Variants in IL4I1 observed in about 807,000 individuals in gnomAD.
IL4I1 encodes the protein L-amino-acid oxidase.
IL4I1 carries 24 observed loss-of-function variants against 29.7 expected under a neutral mutation model. The observed-to-expected ratio is 0.81, with a 90% confidence interval of 0.59 to 1.14. The LOEUF (loss-of-function observed/expected upper bound fraction) is 1.14, where lower values mean the gene tolerates loss of function less well. Among genes scored for constraint, IL4I1 ranks in the 50% most tolerant of loss-of-function variants. The pLI, the probability that IL4I1 is intolerant of heterozygous loss-of-function variation, is 0.00. For missense variants in IL4I1, 686 were observed against 785.6 expected (o/e 0.87, Z 1.52); for synonymous variants, 371 against 352.5 (o/e 1.05, Z -0.59).
intron 2 of IL4I1, among the ~76,000 whole-genome samples, chr19:49,916,428 A>G (rs1017945569): frequency 6.2e-5 from 9 of 145,102 alleles, no homozygotes; most frequent in Non-Finnish European, 1.2e-4. Flanking sequence ...ATCTTGGCTC[A>G]CTGCAAGCTC....
intron 5 of IL4I1, among the ~76,000 whole-genome samples, chr19:49,891,710 C>G (rs182983677): frequency 1.5e-4 from 23 of 152,376 alleles, no homozygotes; most frequent in African/African-American, 5.5e-4. Flanking sequence ...CCCCCTCATT[C>G]GGCTGGCCCG....
chr19:49,899,976 A>G (rs1230270449), upstream of IL4I1, among the ~76,000 whole-genome samples: 1 of 151,922 alleles, frequency 6.6e-6, no homozygotes, highest in African/African-American at 2.4e-5. Context: ...CTGGGACCAC[A>G]GGTGCACACC....
At chr19:49,910,070 C>T (rs1012981772) in intron 2 of IL4I1, among the ~76,000 whole-genome samples, 5 of 151,986 alleles carry the variant, frequency 3.3e-5, no homozygotes, top group East Asian at 1.9e-4. Context: ...GGGTCAGGTA[C>T]GAGGAGCCGG....
rs766200195 is a variant in IL4I1 at position 49,894,457 on chromosome 19, C to A, written c.378G>T (p.Lys126Asn). ...GGTTGAGCCCCAGGCCCTGGCAGAG[C>A]TTGTGGAGGATCCTGATCAGGGGAG... ...RMPSSHRILH[K>N]LCQGLGLNLT... Residue 126 changes from lysine to asparagine, a missense_variant, in exon 5 of 8, where the codon AAG becomes AAT. Coordinates refer to ENST00000391826, the MANE Select transcript of IL4I1 (RefSeq NM_152899.2). 5 of 1,607,674 alleles carry A rather than the reference C, an allele frequency of 3.1e-6. No individual in the cohort carries two copies. Among genetic ancestry groups the A allele is most frequent in the Non-Finnish European group, 4.3e-6 (5 of 1,176,092 alleles).
chr19:49,909,067 G>A (rs1352894086), intron 2 of IL4I1: 20 of 1,612,520 alleles, frequency 1.2e-5, no homozygotes, highest in South Asian at 2.2e-5. Context: ...CAGTGGGGGC[G>A]CCCGCTGTGG....
chr19:49,889,816 GC>G lies in IL4I1; in HGVS notation c.1557del (p.His520ThrfsTer?). The G allele has an allele frequency of 6.4e-7, 1 of 1,551,738 alleles. No homozygotes were observed. On this transcript the variant is annotated frameshift_variant, in exon 8 of 8. Coordinates refer to ENST00000391826, the MANE Select transcript of IL4I1 (RefSeq NM_152899.2). LOFTEE classifies it low-confidence loss of function (END_TRUNC). Reference sequence around the variant, plus strand: ...CCCTGCCCCTCCATGTCAGATGCGTGCCCCTCGGGGCTGGCCGTGTCCGATG... The same window carrying G: ...CCCTGCCCCTCCATGTCAGATGCGTGCCCTCGGGGCTGGCCGTGTCCGATG... ...GPASDTASPEGHASDMEGQGH... is the reference protein window; with the variant it reads ...GPASDTASPEXHASDMEGQGH...
chr19:49,908,005 T>C (rs1011501113), intron 2 of IL4I1: 2 of 812,388 alleles, frequency 2.5e-6, no homozygotes, highest in East Asian at 2.8e-5. Flanking sequence ...GGGCCAAAGA[T>C]ACTCAAATGA....
chr19:49,890,936 G>GC (rs56091826), intron 7 of IL4I1, 35 bp downstream of exon 7: 4,763 of 310,746 alleles, frequency 0.015, 31 homozygotes, highest in East Asian at 0.055. Flanking sequence ...ATTGCCCCCC[G>GC]CCCCCCCCCC....
chr19:49,916,918 C>G (rs2075639509), intron 2 of IL4I1, among the ~76,000 whole-genome samples: 1 of 152,212 alleles, frequency 6.6e-6, no homozygotes, highest in South Asian at 2.1e-4. Flanking sequence ...GAGACCCCGT[C>G]TCAAACAAAT....
Position 49,890,465 on chromosome 19 carries a change from G to C in IL4I1, c.909C>G (p.Thr303=). 3 of 1,612,000 alleles carry C rather than the reference G, an allele frequency of 1.9e-6. No individual in the cohort carries two copies. Among genetic ancestry groups the C allele is most frequent in the Non-Finnish European group, 2.5e-6 (3 of 1,179,798 alleles). ...CCTTCAGATTCCGCGCCGGGGGAGAGGTCTCGATCTGCACGTGCACATCGT... is the reference window on the plus strand; with the variant it reads ...CCTTCAGATTCCGCGCCGGGGGAGACGTCTCGATCTGCACGTGCACATCGT... The part of the protein sequence containing the change: ...GPHDVHVQIE[T]SPPARNLKVL... The change falls in exon 8 of 8, where the codon ACC becomes ACG. Residue 303 remains threonine, a synonymous_variant. Coordinates refer to ENST00000391826, the MANE Select transcript of IL4I1 (RefSeq NM_152899.2).
chr19:49,912,531 C>CAT (rs2075496819), intron 2 of IL4I1, among the ~76,000 whole-genome samples: 1 of 151,994 alleles, frequency 6.6e-6, no homozygotes, highest in Non-Finnish European at 1.5e-5. Flanking sequence ...GGGATCTATT[C>CAT]ACAATGGTGA....
Position 49,890,125 on chromosome 19 carries a change from G to T in IL4I1, c.1249C>A (p.Arg417Ser), listed in dbSNP as rs898965412. The T allele has an allele frequency of 1.7e-5, 27 of 1,543,120 alleles. No individual in the cohort carries two copies. The highest frequency in any genetic ancestry group is 2.3e-5 in the Non-Finnish European group (26 of 1,145,142). The change falls in exon 8 of 8, where the codon CGC becomes AGC. Residue 417 changes from arginine to serine, a missense_variant. Physicochemically the swap from Arg to Ser is moderately radical, Grantham distance 110. Transcript: ENST00000391826. ...GCCGCCACGTCGTCGAGCGCCAAGCGCAACGCCTCTTCCCGGCTCAAGCCG... is the reference window on the plus strand; with the variant it reads ...GCCGCCACGTCGTCGAGCGCCAAGCTCAACGCCTCTTCCCGGCTCAAGCCG... The part of the protein sequence containing the change: ...FAGLSREEAL[R>S]LALDDVAALH...
chr19:49,919,519 A>G (rs2075713107), intron 2 of IL4I1, among the ~76,000 whole-genome samples: 1 of 152,208 alleles, frequency 6.6e-6, no homozygotes, highest in South Asian at 2.1e-4. Flanking sequence ...TGCCTCTGCC[A>G]CTTGCTACAC....
intron 2 of IL4I1, chr19:49,908,349 A>G: frequency 1.9e-6 from 3 of 1,614,082 alleles, no homozygotes; most frequent in Non-Finnish European, 2.5e-6. Flanking sequence ...TGGTCGATCC[A>G]CTGCAGTGAG....
chr19:49,890,741 G>T, intron 7 of IL4I1, 141 bp from the exon 8 acceptor site: 1 of 628,024 alleles, frequency 1.6e-6, no homozygotes, highest in Non-Finnish European at 2.3e-6. Flanking sequence ...GACCCCGCCC[G>T]TCCCTGACAT....
rs964649011 is a variant in IL4I1, at chr19:49,895,123, G to C, written c.310C>G (p.Gln104Glu). 6.8e-6 allele frequency: 11 copies of C among 1,613,858 alleles called. No homozygotes were observed. Among genetic ancestry groups the C allele is most frequent in the African/African-American group, 1.3e-5 (1 of 74,982 alleles). The change falls in exon 4 of 8, where the codon CAG (glutamine) becomes GAG (glutamate). Residue 104 changes from glutamine (Q) to glutamate (E), a missense_variant. Gln to Glu is a conservative substitution (Grantham distance 29, BLOSUM62 2). Coordinates refer to ENST00000391826, the MANE Select transcript of IL4I1 (RefSeq NM_152899.2). Reference protein sequence around the residue: ...IGGRIFTYRDQNTGWIGELGA... With the variant: ...IGGRIFTYRDENTGWIGELGA... Reference sequence around the variant, plus strand: ...AGCTCCCCAATCCAGCCCGTGTTCTGGTCCCGGTAGGTGAAGATGCGGCCC... The same window carrying C: ...AGCTCCCCAATCCAGCCCGTGTTCTCGTCCCGGTAGGTGAAGATGCGGCCC...
chr19:49,898,300 G>C (rs2075237160), upstream of IL4I1, among the ~76,000 whole-genome samples: 1 of 152,098 alleles, frequency 6.6e-6, no homozygotes, highest in African/African-American at 2.4e-5. Context: ...TAGCCTGGGT[G>C]ACAGAGCCAG....
At chr19:49,897,366 C>G (rs2075223899), upstream of IL4I1, among the ~76,000 whole-genome samples, 1 of 152,218 alleles carries the variant, frequency 6.6e-6, no homozygotes, top group South Asian at 2.1e-4. Context: ...TCAGTCTCCC[C>G]CTCCGTTACA....
At chr19:49,909,094 G>T in intron 2 of IL4I1, 1 of 1,612,570 alleles carries the variant, frequency 6.2e-7, no homozygotes, top group Non-Finnish European at 8.5e-7. Context: ...GGGTACAGAG[G>T]GAGAGTCCAG....
Sources: gnomAD v4.1 joint callset for allele counts (sites outside exome capture counted in the v4.1 genomes callset) on GRCh38, gnomAD v4.1.1 for gene constraint, MANE v1.5 for transcripts, NCBI Gene and HGNC (gene_info 2026-07-23, HGNC 2026-07-21) for gene names.